TPP2: variants seen among roughly 807,000 people sequenced by gnomAD.
TPP2 encodes tripeptidyl-peptidase 2.
TPP2 carries 34 observed loss-of-function variants against 155.9 expected under a neutral mutation model. The ratio of observed to expected loss-of-function variants is 0.22; its 90% CI spans 0.17 to 0.29. The LOEUF is 0.29. Ranked by LOEUF, TPP2 falls within the 10% of genes least tolerant of loss-of-function variation. The pLI, the probability that TPP2 is intolerant of heterozygous loss-of-function variation, is 1.00. For missense variants in TPP2, 1,028 were observed against 1,522.3 expected (o/e 0.68, Z 5.40); for synonymous variants, 510 against 529.4 (o/e 0.96, Z 0.50).
chr13:102,624,852 CTTTTTTTTTTT>C (rs1029486604), intron 6 of TPP2, among the ~76,000 whole-genome samples: 2 of 83,426 alleles, frequency 2.4e-5, no homozygotes, highest in Non-Finnish European at 4.3e-5. Flanking sequence ...TTTTTTTTTC[CTTTTTTTTTTT>C]TTTTTTTTTT....
chr13:102,634,361 C>A (rs2139500710), intron 11 of TPP2, among the ~76,000 whole-genome samples: 1 of 152,118 alleles, frequency 6.6e-6, no homozygotes, highest in South Asian at 2.1e-4. Context: ...AAAATAGCTG[C>A]CTATGTGGAG....
At chr13:102,627,198 T>A (rs377495624) in intron 7 of TPP2, 32 bp downstream of exon 7, 79 of 1,517,696 alleles carry the variant, frequency 5.2e-5, no homozygotes, top group Non-Finnish European at 6.8e-5. Flanking sequence ...ATTCAGAAGA[T>A]TAATGATTAA....
intron 2 of TPP2, among the ~76,000 whole-genome samples, chr13:102,610,210 CATTTATTTATTT>C (rs937703693): frequency 2.0e-5 from 3 of 151,896 alleles, no homozygotes; most frequent in Non-Finnish European, 4.4e-5. Flanking sequence ...TGTAGTCGTG[CATTTATTTATTT>C]ATTTATTTAT....
At chr13:102,600,100 A>G (rs1402941281) in intron 1 of TPP2, among the ~76,000 whole-genome samples, 1 of 151,494 alleles carries the variant, frequency 6.6e-6, no homozygotes, top group Non-Finnish European at 1.5e-5. Flanking sequence ...ATATGAGGCC[A>G]TTTGCCATCC....
chr13:102,625,702 A>G (rs1415349434), intron 6 of TPP2, among the ~76,000 whole-genome samples: 3 of 152,344 alleles, frequency 2.0e-5, no homozygotes, highest in African/African-American at 7.2e-5. Flanking sequence ...CATTGGGCGA[A>G]TGTTTTCTTG....
chr13:102,662,505 A>C (rs540284176), intron 25 of TPP2, among the ~76,000 whole-genome samples: 1 of 152,230 alleles, frequency 6.6e-6, no homozygotes, highest in South Asian at 2.1e-4. Context: ...ACCTTAGAAC[A>C]TTTTTTGGAA....
intron 1 of TPP2, among the ~76,000 whole-genome samples, chr13:102,597,806 C>T (rs954622923): frequency 2.6e-5 from 4 of 152,168 alleles, no homozygotes; most frequent in African/African-American, 4.8e-5. Context: ...ATAACCCAGT[C>T]CTCTTCCGGA....
chr13:102,661,459 T>C (rs1249900215), intron 25 of TPP2, among the ~76,000 whole-genome samples: 1 of 151,906 alleles, frequency 6.6e-6, no homozygotes, highest in Non-Finnish European at 1.5e-5. Flanking sequence ...CCCAGGCTAG[T>C]CTGGAACCCC....
Position 102,657,111 on chromosome 13 carries a change from G to T in TPP2, c.3047G>T (p.Gly1016Val). 6.3e-7 allele frequency: 1 copy of T among 1,587,168 alleles called. No homozygotes were observed. Among genetic ancestry groups the T allele is most frequent in the Non-Finnish European group, 8.5e-7 (1 of 1,170,496 alleles). The change falls in exon 25 of 30, where the codon GGC becomes GTC. Residue 1016 changes from glycine (G) to valine (V), a missense_variant. By Grantham distance (109) the Gly-to-Val change is moderately radical. Transcript: ENST00000376052. ...LIPPPTKTKN[G>V]SKDKEKDSEK... ...CCTCCACCAACAAAGACTAAGAATG[G>T]CAGCAAAGATAAGGAAAAAGATTCA...
At chr13:102,630,057 G>C (rs201301732) in intron 9 of TPP2, 39 bp from the exon 10 acceptor site, 1 of 1,566,192 alleles carries the variant, frequency 6.4e-7, no homozygotes, top group Non-Finnish European at 8.8e-7. Flanking sequence ...CAGGATCCCC[G>C]TTTGTTTTCT....
In TPP2 at chr13:102,629,473, C is replaced by CT; in HGVS notation, c.1017-4dup. On this transcript the variant is annotated splice_polypyrimidine_tract_variant and intron_variant, in intron 8 of 29. Transcript: ENST00000376052. The stretch of plus-strand genomic sequence containing the variant: ...GATTATATGTTCAAAGGAATTCTCT[C>CT]TTTTTCAGGAGAATTTGTGAAGTAA... The CT allele has an allele frequency of 6.7e-7, 1 of 1,484,390 alleles. No homozygotes were observed. Among genetic ancestry groups the CT allele is most frequent in the South Asian group, 1.5e-5 (1 of 67,574 alleles). 92.0% of individuals were successfully genotyped at this position (1,484,390 alleles called of 1,614,324 possible).
intron 2 of TPP2, among the ~76,000 whole-genome samples, chr13:102,606,528 A>G (rs1442172901): frequency 1.3e-5 from 2 of 152,172 alleles, no homozygotes; most frequent in Non-Finnish European, 2.9e-5. Flanking sequence ...AAAACTCATG[A>G]TAGCTTGCTT....
At chr13:102,601,913 A>C (rs1879459850) in intron 1 of TPP2, among the ~76,000 whole-genome samples, 2 of 152,188 alleles carry the variant, frequency 1.3e-5, no homozygotes, top group South Asian at 4.1e-4. Flanking sequence ...TGTGTAGGAG[A>C]GAGATCCTTG....
rs762394345 is a variant in TPP2, at chr13:102,620,699, C to T, written c.620+1853C>T. On this transcript the variant is annotated intron_variant, in intron 5 of 29. Transcript: ENST00000376052. ...GTTTAGCGCGTATCTCTGCACTTAA[C>T]GGGTGGCCTCAGATGACTCTGTTCT... 2.6e-5 allele frequency among the ~76,000 whole-genome samples: 4 copies of T among 152,206 alleles called. No homozygotes were observed. In the South Asian group the frequency reaches 6.2e-4, roughly 24 times the overall value.
chr13:102,614,280 A>C, intron 3 of TPP2, 84 bp downstream of exon 3: 5 of 1,219,290 alleles, frequency 4.1e-6, no homozygotes, highest in Non-Finnish European at 5.7e-6. Flanking sequence ...AGAAAAAGAA[A>C]TATTTCATAA....
At chr13:102,639,235 A>G (rs1343259259) in intron 15 of TPP2, among the ~76,000 whole-genome samples, 1 of 152,206 alleles carries the variant, frequency 6.6e-6, no homozygotes, top group African/African-American at 2.4e-5. Flanking sequence ...TAAATTATCT[A>G]GTGGATGAAG....
At chr13:102,613,967 G>T in intron 2 of TPP2, 134 bp from the exon 3 acceptor site, 1 of 653,530 alleles carries the variant, frequency 1.5e-6, no homozygotes, top group Non-Finnish European at 2.6e-6. Flanking sequence ...TATTAAACAC[G>T]TTGTTGTACA....
intron 27 of TPP2, 125 bp downstream of exon 27, chr13:102,665,050 A>G: frequency 8.2e-7 from 1 of 1,214,620 alleles, no homozygotes; most frequent in Non-Finnish European, 1.1e-6. Context: ...AATGGGAATT[A>G]TCACTATTTG....
chr13:102,659,678 AACC>A (rs1488214835), intron 25 of TPP2, among the ~76,000 whole-genome samples: 1 of 152,226 alleles, frequency 6.6e-6, no homozygotes, highest in Non-Finnish European at 1.5e-5. Flanking sequence ...GTTGCTAGCA[AACC>A]CACCTTATAA....
Sources: gnomAD v4.1 joint callset for allele counts (sites outside exome capture counted in the v4.1 genomes callset) on GRCh38, gnomAD v4.1.1 for gene constraint, MANE v1.5 for transcripts, NCBI Gene and HGNC (gene_info 2026-07-23, HGNC 2026-07-21) for gene names.